The following DMD variants were observed in gnomAD, a reference collection of about 807,000 sequenced individuals.
DMD encodes dystrophin, also known as mutant dystrophin.
Under a neutral mutation model 330.1 loss-of-function variants are expected in DMD, and 63 were observed. That is an observed-to-expected ratio of 0.19 (90% CI 0.16 to 0.24). The LOEUF is 0.24. Ranked by LOEUF, DMD falls within the 10% of genes least tolerant of loss-of-function variation. The pLI, the probability that DMD is intolerant of heterozygous loss-of-function variation, is 1.00. For missense variants in DMD, 3,344 were observed against 2,684.1 expected, an observed-to-expected ratio of 1.25 and a Z score of -5.43; for synonymous variants, 1,223 against 959.8, an observed-to-expected ratio of 1.27 and a Z score of -5.07.
chrX:32,833,221 T>A (rs1440262545), intron 4 of DMD, among the ~76,000 whole-genome samples: 1 of 111,561 alleles, frequency 9.0e-6, no homozygotes, highest in Non-Finnish European at 1.9e-5. Context: ...TGCAGGAGAA[T>A]TATTTTTAAT....
intron 44 of DMD, among the ~76,000 whole-genome samples, chrX:32,069,463 T>G (rs1195766669): frequency 9.0e-6 from 1 of 111,690 alleles, no homozygotes; most frequent in East Asian, 2.8e-4. Flanking sequence ...CTAATAGCAA[T>G]AGATTTGTGG....
intron 1 of DMD, among the ~76,000 whole-genome samples, chrX:33,089,245 T>C (rs184832116): frequency 3.8e-3 from 419 of 109,602 alleles, no homozygotes; most frequent in Non-Finnish European, 6.5e-3. Flanking sequence ...TTTCTATTTT[T>C]AGTAGAGACG....
intron 52 of DMD, among the ~76,000 whole-genome samples, chrX:31,715,226 G>T (rs1312153910): frequency 9.5e-6 from 1 of 104,850 alleles, no homozygotes; most frequent in African/African-American, 3.5e-5. Flanking sequence ...TTGGTGGGGG[G>T]GGAGCTGCGA....
At chrX:31,787,390 T>A (rs2091357917) in intron 50 of DMD, among the ~76,000 whole-genome samples, 1 of 112,087 alleles carries the variant, frequency 8.9e-6, no homozygotes, top group African/African-American at 3.2e-5. Context: ...AAATAAAAAG[T>A]TAATTATTTA....
rs146845376 is a variant in DMD, at chrX:33,221,431, T to C, written c.7+117828A>G. On this transcript the variant is annotated intron_variant, in intron 1 of 17. Transcript: ENST00000288447. ...CATTTAGGTTAAATTAAGCATTGCG[T>C]TTTAAAAAGCTGCTCCCAAACGCAT... Among the ~76,000 whole-genome samples, 434 of 111,187 alleles carry C rather than the reference T, an allele frequency of 3.9e-3. 1 individual carries two copies. The highest frequency in any genetic ancestry group is 0.013 in the African/African-American group (405 of 30,637).
At chrX:32,404,532 C>T (rs1029654630) in intron 30 of DMD, among the ~76,000 whole-genome samples, 6 of 111,417 alleles carry the variant, frequency 5.4e-5, no homozygotes, top group African/African-American at 1.3e-4. Flanking sequence ...TGCTAAGCAA[C>T]TCCGCTCTTG....
chrX:32,564,633 A>C (rs1208333677), intron 16 of DMD, among the ~76,000 whole-genome samples: 1 of 112,156 alleles, frequency 8.9e-6, no homozygotes, highest in Non-Finnish European at 1.9e-5. Flanking sequence ...ATTTATATTC[A>C]TATTTCTTCA....
At chrX:31,217,296 G>A (rs1399585293) in intron 64 of DMD, among the ~76,000 whole-genome samples, 2 of 111,990 alleles carry the variant, frequency 1.8e-5, no homozygotes, top group East Asian at 5.6e-4. Flanking sequence ...AAGGAGTCAT[G>A]CAACACTTAA....
At chrX:31,939,721 AGC>A (rs1368851234) in intron 45 of DMD, among the ~76,000 whole-genome samples, 1 of 111,750 alleles carries the variant, frequency 8.9e-6, no homozygotes, top group Non-Finnish European at 1.9e-5. Flanking sequence ...ATGGATACAG[AGC>A]TTTCTGTTTT....
intron 62 of DMD, among the ~76,000 whole-genome samples, chrX:31,272,345 C>T (rs1475632158): frequency 8.9e-6 from 1 of 111,942 alleles, no homozygotes; most frequent in Non-Finnish European, 1.9e-5. Context: ...AGCGATAACC[C>T]ATGTATATGA....
chrX:32,215,401 C>T (rs2097108676), intron 44 of DMD, among the ~76,000 whole-genome samples: 1 of 111,093 alleles, frequency 9.0e-6, no homozygotes, highest in African/African-American at 3.3e-5. Flanking sequence ...TACATCAAAA[C>T]AAATTGCTTC....
intron 56 of DMD, among the ~76,000 whole-genome samples, chrX:31,499,778 C>A (rs967989105): frequency 8.9e-6 from 1 of 111,832 alleles, no homozygotes; most frequent in Admixed American, 9.4e-5. Context: ...GAGGCGTAAG[C>A]TACCACACCC....
intron 63 of DMD, among the ~76,000 whole-genome samples, chrX:31,227,581 G>A (rs983346962): frequency 9.0e-6 from 1 of 110,868 alleles, no homozygotes; most frequent in Non-Finnish European, 1.9e-5. Flanking sequence ...TTGGCAATGC[G>A]GGCTCTTTTT....
intron 64 of DMD, among the ~76,000 whole-genome samples, chrX:31,214,072 T>C (rs1235624997): frequency 1.9e-4 from 2 of 10,793 alleles, no homozygotes; most frequent in African/African-American, 4.5e-4. Context: ...AAAGCTAATG[T>C]TAAGTTCAGA....
intron 44 of DMD, among the ~76,000 whole-genome samples, chrX:31,992,940 G>A (rs1399117002): frequency 1.8e-5 from 2 of 111,416 alleles, no homozygotes; most frequent in Non-Finnish European, 3.8e-5. Context: ...TCAATATGGC[G>A]GTACTTTTCA....
intron 29 of DMD, among the ~76,000 whole-genome samples, chrX:32,424,245 C>A (rs1172230417): frequency 1.8e-5 from 2 of 109,977 alleles, no homozygotes; most frequent in African/African-American, 6.6e-5. Context: ...AGCATTCAAC[C>A]TAGGAGAAGT....
intron 1 of DMD, among the ~76,000 whole-genome samples, chrX:33,045,513 C>A (rs1259295551): frequency 3.6e-5 from 4 of 111,045 alleles, no homozygotes; most frequent in Non-Finnish European, 7.5e-5. Flanking sequence ...GTAAGTGAAC[C>A]ATGATTCTGG....
chrX:33,039,942 C>A (rs2094270802), intron 1 of DMD, among the ~76,000 whole-genome samples: 1 of 110,935 alleles, frequency 9.0e-6, no homozygotes, highest in Non-Finnish European at 1.9e-5. Context: ...GTACTTCAAT[C>A]TCCTCCAAGG....
chrX:32,999,868 T>A (rs2093234043), intron 2 of DMD, among the ~76,000 whole-genome samples: 1 of 112,623 alleles, frequency 8.9e-6, no homozygotes, highest in Non-Finnish European at 1.9e-5. Flanking sequence ...GGTCTGTGCA[T>A]TTGACTTGAG....
Sources: gnomAD v4.1 joint callset for allele counts (sites outside exome capture counted in the v4.1 genomes callset) on GRCh38, gnomAD v4.1.1 for gene constraint, MANE v1.5 for transcripts, NCBI Gene and HGNC (gene_info 2026-07-23, HGNC 2026-07-21) for gene names.